Variants in INSRR observed in about 807,000 individuals in gnomAD.
The protein encoded by INSRR is insulin receptor related receptor.
Under a neutral mutation model 130.0 loss-of-function variants are expected in INSRR, and 114 were observed. The ratio of observed to expected loss-of-function variants is 0.88; its 90% CI spans 0.75 to 1.02. The LOEUF is 1.02. Ranked by LOEUF, INSRR falls within the 50% of genes least tolerant of loss-of-function variation. INSRR has a pLI of 0.00. For missense variants in INSRR, 1,657 were observed against 1,735.2 expected, an observed-to-expected ratio of 0.95 and a Z score of 0.80; for synonymous variants, 674 against 705.2, an observed-to-expected ratio of 0.96 and a Z score of 0.70.
In INSRR at chr1:156,852,159, C is replaced by A. The variant is rs774672930; in HGVS notation, c.670G>T (p.Ala224Ser). 1.9e-6 allele frequency: 3 copies of A among 1,606,476 alleles called. No individual in the cohort carries two copies. The highest frequency in any genetic ancestry group is 2.7e-5 in the African/African-American group (2 of 74,890). The change falls in exon 3 of 22, where the codon GCG becomes TCG. Residue 224 changes from alanine (A) to serine (S), a missense_variant. Transcript: ENST00000368195. ...CPCPHGMACT[A>S]RGECCHTECL... Reference sequence around the variant, plus strand: ...TCGGTGTGGCAGCACTCGCCCCTCGCTGTGCAAGCCATCCCATGGGGGCAG... The same window carrying A: ...TCGGTGTGGCAGCACTCGCCCCTCGATGTGCAAGCCATCCCATGGGGGCAG...
rs748611336 is a variant in INSRR at position 156,853,938 on chromosome 1, A to G, written c.451T>C (p.Ser151Pro). 6.2e-7 allele frequency: 1 copy of G among 1,613,856 alleles called. No individual in the cohort carries two copies. Among genetic ancestry groups the G allele is most frequent in the Non-Finnish European group, 8.5e-7 (1 of 1,179,806 alleles). Residue 151 changes from serine to proline, a missense_variant, in exon 2 of 22, where the codon TCC becomes CCC. Ser to Pro is a moderately conservative substitution (Grantham distance 74). Coordinates refer to ENST00000368195, the MANE Select transcript of INSRR (RefSeq NM_014215.3). ...TGCAGCAGTCCCCAGTCAATGGTGG[A>G]GAGGTGGCAGAGCTCCTGGTTCTTC... ...VEKNQELCHL[S>P]TIDWGLLQPA...
At position 156,857,157 on chromosome 1, in the gene INSRR, CTGTGTA is replaced by C. The variant is rs1360134897; in HGVS notation, c.85+1374_85+1379del. Among the ~76,000 whole-genome samples the C allele has an allele frequency of 6.8e-3, 823 of 121,286 alleles. 2 individuals are homozygous for C. The highest frequency in any genetic ancestry group is 9.7e-3 in the South Asian group (34 of 3,498). The allele number at this position is 121,286 out of a possible 152,430, so 79.6% of individuals were successfully genotyped here. ...TCCTGAGCTTGGCTCTGCCCAGCAG[CTGTGTA>C]TGTGTGTGTGTGTGTGTGTGTGTGT... On this transcript the variant is annotated intron_variant, in intron 1 of 21. Coordinates refer to ENST00000368195, the MANE Select transcript of INSRR (RefSeq NM_014215.3).
Position 156,852,102 on chromosome 1 carries a change from G to T in INSRR, c.727C>A (p.Pro243Thr), listed in dbSNP as rs1303612751. Reference protein sequence around the residue: ...CLGGCSQPEDPRACVACRHLY... With the variant: ...CLGGCSQPEDTRACVACRHLY... ...TGGCGGCAAGCTACACAGGCACGAG[G>T]GTCTTCTGGCTGGCTGCAGCCCCCC... Residue 243 changes from proline to threonine, a missense_variant, in exon 3 of 22, where the codon CCT becomes ACT. Pro to Thr is a conservative substitution (Grantham distance 38). Transcript: ENST00000368195. 6.2e-7 allele frequency: 1 copy of T among 1,613,626 alleles called. No homozygotes were observed. Among genetic ancestry groups the T allele is most frequent in the Non-Finnish European group, 8.5e-7 (1 of 1,179,994 alleles).
Position 156,844,265 on chromosome 1 carries a change from C to T in INSRR, c.2753G>A (p.Gly918Glu), listed in dbSNP as rs779943504. The stretch of plus-strand genomic sequence containing the variant: ...GGCAGTGAGGAGGACATGCAGCCCC[C>T]CAGCATCCTCCTCCTCTGGCAGTCA... ...YILGPEEEDA[G>E]GLHVLLTATP... The change falls in exon 15 of 22, where the codon GGG becomes GAG. Residue 918 changes from glycine (G) to glutamate (E), a missense_variant. Coordinates refer to ENST00000368195, the MANE Select transcript of INSRR (RefSeq NM_014215.3). 1.2e-6 allele frequency: 2 copies of T among 1,613,232 alleles called. No homozygotes were observed. Among genetic ancestry groups the T allele is most frequent in the Non-Finnish European group, 1.7e-6 (2 of 1,179,486 alleles).
chr1:156,849,731 A>G (rs561607099), intron 5 of INSRR, among the ~76,000 whole-genome samples: 28 of 151,478 alleles, frequency 1.8e-4, no homozygotes, highest in African/African-American at 5.6e-4. Flanking sequence ...CCTTCCCTCG[A>G]CTCTCTTTGA....
Position 156,844,288 on chromosome 1 carries a change from T to A in INSRR, c.2738-8A>T, listed in dbSNP as rs1464971593. 8 of 1,604,874 alleles carry A rather than the reference T, an allele frequency of 5.0e-6. No individual in the cohort carries two copies. The highest frequency in any genetic ancestry group is 6.8e-6 in the Non-Finnish European group (8 of 1,172,358). On this transcript the variant is annotated splice_polypyrimidine_tract_variant and splice_region_variant and intron_variant, in intron 14 of 21. Transcript: ENST00000368195. The stretch of plus-strand genomic sequence containing the variant: ...CCCCAGCATCCTCCTCCTCTGGCAG[T>A]CAGAGGGCAGCAGAGGGTAGAGTCA...
At chr1:156,843,564 A>C in intron 15 of INSRR, 85 bp from the exon 16 acceptor site, 1 of 1,396,816 alleles carries the variant, frequency 7.2e-7, no homozygotes, top group East Asian at 2.3e-5. Context: ...GGACATTTCA[A>C]GGAGGAGGGA....
At chr1:156,846,833 C>T in intron 7 of INSRR, 76 bp from the exon 8 acceptor site, 1 of 1,185,630 alleles carries the variant, frequency 8.4e-7, no homozygotes, top group Non-Finnish European at 1.2e-6. Flanking sequence ...CTGAATCACC[C>T]CAGGACTGTC....
In INSRR at chr1:156,846,604, C is replaced by T. The variant is rs766081248; in HGVS notation, c.1725G>A (p.Val575=). Residue 575 remains valine, a synonymous_variant, in exon 8 of 22, where the codon GTG becomes GTA. Transcript: ENST00000368195. ...CCTCAGTGGTTAGCGTGATGGCCCGCACAAACACTGCGTACTGTGTCCAAG... is the reference window on the plus strand; with the variant it reads ...CCTCAGTGGTTAGCGTGATGGCCCGTACAAACACTGCGTACTGTGTCCAAG... ...LKPWTQYAVF[V]RAITLTTEED... 1 of 1,614,174 alleles carries T rather than the reference C, an allele frequency of 6.2e-7. No individual in the cohort carries two copies. Among genetic ancestry groups the T allele is most frequent in the South Asian group, 1.1e-5 (1 of 91,082 alleles).
In INSRR at chr1:156,851,450, C is replaced by CAGGGCTGGAGTAGGAGCAAGGAAGGTGAT. The variant is rs1655202388; in HGVS notation, c.1085-45_1085-17dup. ...TCCAGGTTGTCTAGGGATGGGAAGA[C>CAGGGCTGGAGTAGGAGCAAGGAAGGTGAT]AGGGCTGGAGTAGGAGCAAGGAAGG... On this transcript the variant is annotated splice_polypyrimidine_tract_variant and intron_variant, in intron 4 of 21. Coordinates refer to ENST00000368195, the MANE Select transcript of INSRR (RefSeq NM_014215.3). The CAGGGCTGGAGTAGGAGCAAGGAAGGTGAT allele has an allele frequency of 6.2e-7, 1 of 1,613,942 alleles. No homozygotes were observed. The highest frequency in any genetic ancestry group is 1.3e-5 in the African/African-American group (1 of 74,910).
chr1:156,846,474 T>C lies in INSRR; in HGVS notation c.1810+45A>G, dbSNP rs780987222. The C allele has an allele frequency of 1.0e-5, 15 of 1,478,156 alleles. No individual in the cohort carries two copies. In the South Asian group the frequency reaches 1.4e-4, roughly 14 times the overall value. The allele number at this position is 1,478,156 out of a possible 1,614,324, so 91.6% of individuals were successfully genotyped here. A position where few individuals can be genotyped will look rare whatever the true frequency, so the allele number is the denominator to read the frequency against. The stretch of plus-strand genomic sequence containing the variant: ...TGGTGCCTGTGCTCCCCTGTTCTCA[T>C]GGATGCAGGCGTCTGACTGACTCTT... On this transcript the variant is annotated intron_variant, in intron 8 of 21. Transcript: ENST00000368195.
At position 156,858,739 on chromosome 1, in the gene INSRR, G is replaced by C; in HGVS notation, c.-118C>G. 1 of 800,560 alleles carries C rather than the reference G, an allele frequency of 1.2e-6. No homozygotes were observed. The highest frequency in any genetic ancestry group is 2.2e-6 in the Non-Finnish European group (1 of 464,246). 49.6% of individuals were successfully genotyped at this position (800,560 alleles called of 1,614,324 possible). On this transcript the variant is annotated 5_prime_UTR_variant, in exon 1 of 22. Transcript: ENST00000368195. ...GGTTCAGATAGGAGAGGGAGGGCAG[G>C]GGCAGAGAGACAAGGAATCCCACAC...
Position 156,853,901 on chromosome 1 carries a change from C to G in INSRR, c.488G>C (p.Gly163Ala), listed in dbSNP as rs200515586. 1.7e-5 allele frequency: 28 copies of G among 1,614,072 alleles called. No homozygotes were observed. Among genetic ancestry groups the G allele is most frequent in the Non-Finnish European group, 3.4e-6 (4 of 1,180,050 alleles). ...CTTGTTGCCCACGATGTGGTTGGCG[C>G]CAGGTGCTGGCTGCAGCAGTCCCCA... The part of the protein sequence containing the change: ...IDWGLLQPAP[G>A]ANHIVGNKLG... The change falls in exon 2 of 22, where the codon GGC (glycine) becomes GCC (alanine). Residue 163 changes from glycine to alanine, a missense_variant. Transcript: ENST00000368195.
intron 14 of INSRR, 49 bp from the exon 15 acceptor site, chr1:156,844,329 G>T (rs776208945): frequency 6.4e-7 from 1 of 1,570,884 alleles, no homozygotes; most frequent in South Asian, 1.1e-5. Context: ...GTAGAAGTCA[G>T]AGGGAAGGTC....
intron 3 of INSRR, 36 bp downstream of exon 3, chr1:156,851,852 T>G (rs754458450): frequency 6.3e-7 from 1 of 1,575,886 alleles, no homozygotes; most frequent in Non-Finnish European, 8.6e-7. Flanking sequence ...GCCTCCTCAC[T>G]GCTCCCAGGG....
In INSRR at chr1:156,851,365, T is replaced by C; in HGVS notation, c.1154A>G (p.Lys385Arg). The stretch of plus-strand genomic sequence containing the variant: ...CAGGGACACGAGGGCAAAGGAGTGC[T>C]TGATTTTGAGGAAGCCAGTAATGGT... ...VETITGFLKI[K>R]HSFALVSLGF... Residue 385 changes from lysine (K) to arginine (R), a missense_variant, in exon 5 of 22, where the codon AAG (lysine) becomes AGG (arginine). Transcript: ENST00000368195. 6.2e-7 allele frequency: 1 copy of C among 1,614,132 alleles called. No homozygotes were observed. Among genetic ancestry groups the C allele is most frequent in the Non-Finnish European group, 8.5e-7 (1 of 1,180,002 alleles).
Position 156,845,233 on chromosome 1 carries a change from G to C in INSRR, c.2280C>G (p.Phe760Leu). The C allele has an allele frequency of 6.2e-7, 1 of 1,610,318 alleles. No homozygotes were observed. Among genetic ancestry groups the C allele is most frequent in the Non-Finnish European group, 8.5e-7 (1 of 1,178,520 alleles). The change falls in exon 12 of 22, where the codon TTC becomes TTG. Residue 760 changes from phenylalanine (F) to leucine (L), a missense_variant. By Grantham distance (22) the Phe-to-Leu change is conservative. Transcript: ENST00000368195. ...GGGGCACCTTGTCCTCCTGGATCTC[G>C]AAATCCGAGCTGTTGCCCCCCAGCC... ...PLRLGGNSSDFEIQEDKVPRE... is the reference protein window; with the variant it reads ...PLRLGGNSSDLEIQEDKVPRE...
chr1:156,842,642 C>T, intron 17 of INSRR, 134 bp from the exon 18 acceptor site: 1 of 660,172 alleles, frequency 1.5e-6, no homozygotes, highest in Non-Finnish European at 2.7e-6. Flanking sequence ...TATAACCTGA[C>T]TCCTGACCTA....
At chr1:156,851,257 A>T (rs1655193705) in intron 5 of INSRR, 33 bp downstream of exon 5, 3 of 1,613,178 alleles carry the variant, frequency 1.9e-6, no homozygotes, top group Non-Finnish European at 2.5e-6. Context: ...AAGGAGTGTA[A>T]TAGAAGGAGC....
Sources: gnomAD v4.1 joint callset for allele counts (sites outside exome capture counted in the v4.1 genomes callset) on GRCh38, gnomAD v4.1.1 for gene constraint, MANE v1.5 for transcripts, NCBI Gene and HGNC (gene_info 2026-07-23, HGNC 2026-07-21) for gene names.